BMERB1: variants seen among roughly 807,000 people sequenced by gnomAD.
BMERB1 encodes bMERB domain containing 1.
BMERB1 carries 12 observed loss-of-function variants against 23.6 expected under a neutral mutation model. That is an observed-to-expected ratio of 0.51 (90% CI 0.33 to 0.82). The LOEUF is 0.82. Among genes scored for constraint, BMERB1 ranks in the 40% least tolerant of loss-of-function variants. BMERB1 has a pLI of 0.03. For synonymous variants in BMERB1, 122 were observed against 96.6 expected (o/e 1.26, Z -1.54); for missense variants, 247 against 255.4 (o/e 0.97, Z 0.22).
intron 1 of BMERB1, among the ~76,000 whole-genome samples, chr16:15,453,407 G>A (rs1452082963): frequency 1.3e-5 from 2 of 152,128 alleles, no homozygotes; most frequent in Non-Finnish European, 2.9e-5. Flanking sequence ...GCAAGACCCT[G>A]TCTCTACAAA....
rs1291690547 is a variant in BMERB1 at position 15,442,429 on chromosome 16, A to G, written c.106+7670A>G. On this transcript the variant is annotated intron_variant, in intron 1 of 5. Coordinates refer to ENST00000300006, the MANE Select transcript of BMERB1 (RefSeq NM_033201.3). ...TGCAAAACTATTATAGCAGTGATAT[A>G]AATATTACAAATATGATAGTATCTA... Among the ~76,000 whole-genome samples, 4 of 152,334 alleles carry G rather than the reference A, an allele frequency of 2.6e-5. No homozygotes were observed. The East Asian group carries it at 7.7e-4, about 29-fold the overall frequency.
chr16:15,459,807 C>T (rs1453642979), intron 1 of BMERB1, among the ~76,000 whole-genome samples: 2 of 152,140 alleles, frequency 1.3e-5, no homozygotes, highest in African/African-American at 4.8e-5. Context: ...CACAGTAGCA[C>T]TAACAGGAAA....
intron 3 of BMERB1, among the ~76,000 whole-genome samples, chr16:15,576,553 A>T (rs1309325304): frequency 6.6e-6 from 1 of 152,164 alleles, no homozygotes; most frequent in Non-Finnish European, 1.5e-5. Flanking sequence ...AGGGCATTAC[A>T]TTCATTTCCC....
intron 1 of BMERB1, among the ~76,000 whole-genome samples, chr16:15,444,985 C>CTCCTGCCTA (rs1466736600): frequency 6.6e-6 from 1 of 152,184 alleles, no homozygotes; most frequent in Admixed American, 6.6e-5. Flanking sequence ...AAGCCTCAAC[C>CTCCTGCCTA]TCCTGCCTAG....
intron 2 of BMERB1, among the ~76,000 whole-genome samples, chr16:15,543,441 C>T (rs2052104805): frequency 6.6e-6 from 1 of 151,994 alleles, no homozygotes; most frequent in Non-Finnish European, 1.5e-5. Flanking sequence ...CACCTGGGAC[C>T]CTGTCCTTCT....
In BMERB1 at chr16:15,478,981, C is replaced by CT. The variant is rs1214530336; in HGVS notation, c.107-36323dup. Reference sequence around the variant, plus strand: ...TATGCAGTGGCTGGAACTGAACTAGCTGCCTTTTGTCTTTTGTTTTTTGTT... The same window carrying CT: ...TATGCAGTGGCTGGAACTGAACTAGCTTGCCTTTTGTCTTTTGTTTTTTGTT... On this transcript the variant is annotated intron_variant, in intron 1 of 5. Transcript: ENST00000300006. Among the ~76,000 whole-genome samples the CT allele has an allele frequency of 2.0e-5, 3 of 152,176 alleles. No individual in the cohort carries two copies. In the East Asian group the frequency reaches 5.8e-4, roughly 29 times the overall value.
At chr16:15,560,276 G>T (rs998225925) in intron 2 of BMERB1, among the ~76,000 whole-genome samples, 2 of 152,192 alleles carry the variant, frequency 1.3e-5, no homozygotes, top group Non-Finnish European at 2.9e-5. Context: ...TGGACAAAGG[G>T]CCAGGGCAAA....
intron 3 of BMERB1, among the ~76,000 whole-genome samples, chr16:15,574,184 G>A (rs2030802483): frequency 6.6e-6 from 1 of 152,174 alleles, no homozygotes; most frequent in Admixed American, 6.5e-5. Context: ...GAACGCAGGA[G>A]GAACTGCCCA....
chr16:15,447,822 G>A, intron 1 of BMERB1: 1 of 455,732 alleles, frequency 2.2e-6, no homozygotes, highest in Non-Finnish European at 4.4e-6. Context: ...GACTTTGGTG[G>A]ATTAAAAAAG....
chr16:15,557,307 GGT>G lies in BMERB1; in HGVS notation c.231-10675_231-10674del, dbSNP rs553271931. 4.9e-3 allele frequency among the ~76,000 whole-genome samples: 748 copies of G among 152,258 alleles called. 4 individuals are homozygous for G. The highest frequency in any genetic ancestry group is 0.02 in the Middle Eastern group (6 of 294). On this transcript the variant is annotated intron_variant, in intron 2 of 5. Coordinates refer to ENST00000300006, the MANE Select transcript of BMERB1 (RefSeq NM_033201.3). Reference sequence around the variant, plus strand: ...CGGCAGCAGCAGAGTTTGATTTCCAGGTTCAGCCCTAATGGTACAGAGACCTG... The same window carrying G: ...CGGCAGCAGCAGAGTTTGATTTCCAGTCAGCCCTAATGGTACAGAGACCTG...
chr16:15,513,450 C>T (rs1006184631), intron 1 of BMERB1, among the ~76,000 whole-genome samples: 3 of 152,142 alleles, frequency 2.0e-5, no homozygotes, highest in South Asian at 4.2e-4. Context: ...GAACACATAA[C>T]GAAATAGTGA....
intron 3 of BMERB1, among the ~76,000 whole-genome samples, chr16:15,568,463 C>T (rs2030638378): frequency 6.6e-6 from 1 of 152,048 alleles, no homozygotes; most frequent in South Asian, 2.1e-4. Context: ...CATGGCAAAA[C>T]CCCATCTCTA....
chr16:15,584,048 T>C, intron 5 of BMERB1: 1 of 702,344 alleles, frequency 1.4e-6, no homozygotes, highest in Non-Finnish European at 2.6e-6. Flanking sequence ...TGTCTCAGAA[T>C]ATTAACCTCA....
At chr16:15,480,166 G>A (rs1311005570) in intron 1 of BMERB1, among the ~76,000 whole-genome samples, 1 of 151,150 alleles carries the variant, frequency 6.6e-6, no homozygotes, top group African/African-American at 2.4e-5. Context: ...AGGCTGGAGT[G>A]CAGTGACACG....
intron 2 of BMERB1, among the ~76,000 whole-genome samples, chr16:15,549,880 T>G (rs2030034175): frequency 6.6e-6 from 1 of 152,030 alleles, no homozygotes; most frequent in South Asian, 2.1e-4. Flanking sequence ...TTGGGAAAAA[T>G]GTCTATTTCC....
At chr16:15,577,346 T>C (rs916097499) in intron 3 of BMERB1, 1 of 152,166 alleles carries the variant, frequency 6.6e-6, no homozygotes, top group South Asian at 2.1e-4. Context: ...ACCGAGGACT[T>C]CCTTACCCTA....
chr16:15,575,935 A>G (rs2030846441), intron 3 of BMERB1, among the ~76,000 whole-genome samples: 1 of 151,952 alleles, frequency 6.6e-6, no homozygotes, highest in Admixed American at 6.6e-5. Flanking sequence ...ATGTGTGGAA[A>G]GTTGGGGTTT....
intron 1 of BMERB1, among the ~76,000 whole-genome samples, chr16:15,462,335 G>A (rs2051143280): frequency 6.6e-6 from 1 of 151,666 alleles, no homozygotes; most frequent in African/African-American, 2.4e-5. Flanking sequence ...TGTATTTTTA[G>A]TAGGGACAGG....
intron 1 of BMERB1, among the ~76,000 whole-genome samples, chr16:15,464,376 T>A (rs9923005): frequency 0.99 from 149,579 of 151,424 alleles, 73,904 homozygotes; most frequent in Middle Eastern, 1. Flanking sequence ...ACCTCCCAGC[T>A]CTTTGGGAGG....
Sources: allele counts gnomAD v4.1 joint callset (sites outside exome capture counted in the v4.1 genomes callset), GRCh38; gene constraint gnomAD v4.1.1; transcripts MANE v1.5; gene names NCBI Gene and HGNC (gene_info 2026-07-23, HGNC 2026-07-21).